Variants in PLXDC2 observed in about 807,000 individuals in gnomAD.
PLXDC2 encodes the protein plexin domain-containing protein 2.
PLXDC2 carries 40 observed loss-of-function variants against 68.9 expected under a neutral mutation model. The ratio of observed to expected loss-of-function variants is 0.58; its 90% CI spans 0.45 to 0.76. The LOEUF (loss-of-function observed/expected upper bound fraction) is 0.76, where lower values mean the gene tolerates loss of function less well. Among genes scored for constraint, PLXDC2 ranks in the 30% least tolerant of loss-of-function variants. The pLI is 0.00. For synonymous variants in PLXDC2, 243 were observed against 234.2 expected (o/e 1.04, Z -0.34); for missense variants, 644 against 661.9 (o/e 0.97, Z 0.30).
At chr10:20,122,456 G>A (rs1833711981) in intron 4 of PLXDC2, among the ~76,000 whole-genome samples, 1 of 152,134 alleles carries the variant, frequency 6.6e-6, no homozygotes, top group Non-Finnish European at 1.5e-5. Context: ...ATCTGGGAAG[G>A]AGTCAGAGAG....
In PLXDC2 at chr10:20,001,790, T is replaced by C; in HGVS notation, c.128T>C (p.Val43Ala). The change falls in exon 2 of 14, where the codon GTT becomes GCT. Residue 43 changes from valine (V) to alanine (A), a missense_variant. This residue lies in a region of PLXDC2 where 201 missense variants were observed against 166.9 expected (regional missense o/e 1.20). Coordinates refer to ENST00000377252, the MANE Select transcript of PLXDC2 (RefSeq NM_032812.9). Reference sequence around the variant, plus strand: ...TTTCAAACAGATTGGCAGTATGGAGTTACTCAGGCCTTCCCTCACACAGAG... The same window carrying C: ...TTTCAAACAGATTGGCAGTATGGAGCTACTCAGGCCTTCCCTCACACAGAG... ...GDQILDWQYG[V>A]TQAFPHTEEE... is the part of the protein sequence containing the mutation. 1 of 1,613,818 alleles carries C rather than the reference T, an allele frequency of 6.2e-7. No individual in the cohort carries two copies. Among genetic ancestry groups the C allele is most frequent in the South Asian group, 1.1e-5 (1 of 91,076 alleles).
chr10:20,217,387 G>A (rs1835151587), intron 10 of PLXDC2, 39 bp from the exon 11 acceptor site: 3 of 1,547,908 alleles, frequency 1.9e-6, no homozygotes, highest in African/African-American at 2.7e-5. Flanking sequence ...ATAGATTTGT[G>A]ATCACTCCAT....
intron 10 of PLXDC2, among the ~76,000 whole-genome samples, chr10:20,213,282 T>C (rs1835093319): frequency 6.6e-6 from 1 of 152,122 alleles, no homozygotes; most frequent in South Asian, 2.1e-4. Context: ...TCTTGATGGA[T>C]AGCCAAATTT....
At chr10:20,182,612 G>A (rs1834621226) in intron 9 of PLXDC2, among the ~76,000 whole-genome samples, 1 of 151,550 alleles carries the variant, frequency 6.6e-6, no homozygotes, top group African/African-American at 2.4e-5. Context: ...TGGGTTGGGT[G>A]GTAAATAAGT....
intron 12 of PLXDC2, among the ~76,000 whole-genome samples, chr10:20,220,483 T>A (rs1045398462): frequency 6.6e-6 from 1 of 152,194 alleles, no homozygotes; most frequent in Non-Finnish European, 1.5e-5. Flanking sequence ...GCTTTCTCTC[T>A]CCTTCCTTTC....
intron 1 of PLXDC2, among the ~76,000 whole-genome samples, chr10:19,956,403 T>C (rs894773275): frequency 3.9e-5 from 6 of 152,330 alleles, no homozygotes; most frequent in Middle Eastern, 3.4e-3. Context: ...AATATATTAC[T>C]AAACTTAATT....
chr10:19,819,711 T>C (rs1313684644), intron 1 of PLXDC2, among the ~76,000 whole-genome samples: 1 of 152,258 alleles, frequency 6.6e-6, no homozygotes, highest in Non-Finnish European at 1.5e-5. Context: ...GTTTATCATA[T>C]AATTTACACT....
rs1291054262 is a variant in PLXDC2 at position 20,039,880 on chromosome 10, G to A, written c.325-6989G>A. ...TATCAGAGGAGAGAGAAATAGGTGA[G>A]TAGAAATATACACATTCATATTTGA... On this transcript the variant is annotated intron_variant, in intron 2 of 13. Coordinates refer to ENST00000377252, the MANE Select transcript of PLXDC2 (RefSeq NM_032812.9). Among the ~76,000 whole-genome samples the A allele has an allele frequency of 2.6e-5, 4 of 152,288 alleles. No individual in the cohort carries two copies. In the East Asian group the frequency reaches 5.8e-4, roughly 22 times the overall value.
rs188152146 is a variant in PLXDC2, at chr10:19,923,257, A to C, written c.113-78518A>C. Among the ~76,000 whole-genome samples, 7 of 152,346 alleles carry C rather than the reference A, an allele frequency of 4.6e-5. No homozygotes were observed. In the East Asian group the frequency reaches 1.3e-3, roughly 29 times the overall value. On this transcript the variant is annotated intron_variant, in intron 1 of 13. Coordinates refer to ENST00000377252, the MANE Select transcript of PLXDC2 (RefSeq NM_032812.9). ...TCCACCCCAAAATATCATTTCTCTT[A>C]GATATACTGTTAGAAAAGTCTCGCC...
intron 4 of PLXDC2, among the ~76,000 whole-genome samples, chr10:20,126,001 T>A (rs1833769208): frequency 1.3e-5 from 2 of 148,578 alleles, no homozygotes; most frequent in East Asian, 3.9e-4. Context: ...ACACACAACC[T>A]ATTATACAAA....
intron 1 of PLXDC2, among the ~76,000 whole-genome samples, chr10:19,988,776 C>CTTTTTTTTT (rs552950916): frequency 2.2e-5 from 1 of 45,458 alleles, no homozygotes; most frequent in Non-Finnish European, 3.8e-5. Flanking sequence ...AATAATGCCA[C>CTTTTTTTTT]TTTTTTTTTT....
At chr10:19,888,268 T>A (rs1275497856) in intron 1 of PLXDC2, among the ~76,000 whole-genome samples, 1 of 152,204 alleles carries the variant, frequency 6.6e-6, no homozygotes, top group Non-Finnish European at 1.5e-5. Context: ...CACTCCCTGA[T>A]TCTTGGAGTG....
intron 12 of PLXDC2, among the ~76,000 whole-genome samples, chr10:20,225,770 T>A (rs1018577222): frequency 1.3e-5 from 2 of 152,168 alleles, no homozygotes; most frequent in Non-Finnish European, 2.9e-5. Context: ...CTATTCTCCA[T>A]AACAATTAAA....
At position 20,288,363 on chromosome 10, in the gene PLXDC2, A is replaced by G. The variant is rs1021094424; in HGVS notation, c.*8544A>G. On this transcript the variant is annotated 3_prime_UTR_variant, in exon 14 of 14. Coordinates refer to ENST00000377252, the MANE Select transcript of PLXDC2 (RefSeq NM_032812.9). The stretch of plus-strand genomic sequence containing the variant: ...GGGCATCATTCCTATTTCTTCTGCC[A>G]TGTCAAGGAGAAATTCCAAGCCTGC... 1 of 151,942 alleles carries G rather than the reference A, an allele frequency of 6.6e-6. No homozygotes were observed. Among genetic ancestry groups the G allele is most frequent in the Non-Finnish European group, 1.5e-5 (1 of 68,012 alleles). 9.4% of individuals were successfully genotyped at this position (151,942 alleles called of 1,614,324 possible).
chr10:20,276,173 T>C (rs1024692210), intron 13 of PLXDC2, among the ~76,000 whole-genome samples: 1 of 152,142 alleles, frequency 6.6e-6, no homozygotes, highest in Non-Finnish European at 1.5e-5. Context: ...TCTGGGCCTT[T>C]AATTTCAAAA....
intron 9 of PLXDC2, among the ~76,000 whole-genome samples, chr10:20,195,318 G>A (rs1018240336): frequency 6.6e-6 from 1 of 151,994 alleles, no homozygotes; most frequent in Admixed American, 6.6e-5. Context: ...TGTTTTCCTG[G>A]TTAGAAAATG....
intron 2 of PLXDC2, among the ~76,000 whole-genome samples, chr10:20,044,497 A>G (rs1273535110): frequency 6.6e-6 from 1 of 151,602 alleles, no homozygotes; most frequent in East Asian, 2.0e-4. Context: ...TATAGCGGAG[A>G]CGGGGTTTCA....
At chr10:20,092,467 C>G (rs1833292756) in intron 4 of PLXDC2, among the ~76,000 whole-genome samples, 1 of 151,898 alleles carries the variant, frequency 6.6e-6, no homozygotes, top group African/African-American at 2.4e-5. Flanking sequence ...ATGGCCATGA[C>G]TAGAAAGGTT....
At chr10:20,140,529 A>G (rs186366610) in intron 4 of PLXDC2, among the ~76,000 whole-genome samples, 1 of 151,968 alleles carries the variant, frequency 6.6e-6, no homozygotes, top group East Asian at 1.9e-4. Context: ...AGTACCTTTA[A>G]AGCTTTGGAG....
Sources: gnomAD v4.1 joint callset for allele counts (sites outside exome capture counted in the v4.1 genomes callset) on GRCh38, gnomAD v4.1.1 for gene constraint, gnomAD v4.1.1 regional missense constraint, MANE v1.5 for transcripts, NCBI Gene and HGNC (gene_info 2026-07-23, HGNC 2026-07-21) for gene names.